STK10: variants seen among roughly 807,000 people sequenced by gnomAD.
The protein encoded by STK10 is serine/threonine kinase 10.
Under a neutral mutation model 113.8 loss-of-function variants are expected in STK10, and 78 were observed. That is an observed-to-expected ratio of 0.69 (90% CI 0.57 to 0.83). The LOEUF (loss-of-function observed/expected upper bound fraction) is 0.83, where lower values mean the gene tolerates loss of function less well. STK10 is among the 40% of genes least tolerant of loss of function. The pLI, the probability that STK10 is intolerant of heterozygous loss-of-function variation, is 0.00. For missense variants in STK10, 1,109 were observed against 1,280.1 expected, an observed-to-expected ratio of 0.87 and a Z score of 2.04; for synonymous variants, 465 against 494.7, an observed-to-expected ratio of 0.94 and a Z score of 0.80.
rs565927103 is a variant in STK10, at chr5:172,116,308, C to G, written c.520+1173G>C. Reference sequence around the variant, plus strand: ...TGTTGGCCAGGCTGGTCCTGAACTCCTGACCTCAGGTGATCCACCCACCTC... The same window carrying G: ...TGTTGGCCAGGCTGGTCCTGAACTCGTGACCTCAGGTGATCCACCCACCTC... On this transcript the variant is annotated intron_variant, in intron 4 of 18. Coordinates refer to ENST00000176763, the MANE Select transcript of STK10 (RefSeq NM_005990.4). 7.2e-5 allele frequency among the ~76,000 whole-genome samples: 11 copies of G among 152,142 alleles called. No homozygotes were observed. The South Asian group carries it at 1.2e-3, about 17-fold the overall frequency.
chr5:172,146,229 G>A (rs1225899633), intron 2 of STK10, among the ~76,000 whole-genome samples: 1 of 152,224 alleles, frequency 6.6e-6, no homozygotes, highest in Non-Finnish European at 1.5e-5. Flanking sequence ...CCCCGGGGAA[G>A]CATGTGTTGG....
At chr5:172,112,287 G>T (rs1769252708) in intron 4 of STK10, among the ~76,000 whole-genome samples, 1 of 152,110 alleles carries the variant, frequency 6.6e-6, no homozygotes, top group Non-Finnish European at 1.5e-5. Flanking sequence ...TATGCATCTT[G>T]TGTGTACATG....
chr5:172,185,691 G>C (rs1324414022), intron 1 of STK10, among the ~76,000 whole-genome samples: 1 of 152,246 alleles, frequency 6.6e-6, no homozygotes, highest in Non-Finnish European at 1.5e-5. Context: ...ACAGCTGCAG[G>C]AGCAGGCTCT....
intron 2 of STK10, among the ~76,000 whole-genome samples, chr5:172,145,404 G>C (rs1050143438): frequency 1.3e-5 from 2 of 151,534 alleles, no homozygotes; most frequent in Non-Finnish European, 2.9e-5. Flanking sequence ...TAACCTTTCA[G>C]TTGGTCCTTG....
At chr5:172,163,277 T>C (rs1477695640) in intron 1 of STK10, among the ~76,000 whole-genome samples, 2 of 152,214 alleles carry the variant, frequency 1.3e-5, no homozygotes, top group Non-Finnish European at 2.9e-5. Context: ...GGTGGGGTGA[T>C]GTGCCTCAGG....
chr5:172,046,930 C>G (rs1196423200), intron 18 of STK10, among the ~76,000 whole-genome samples: 2 of 152,200 alleles, frequency 1.3e-5, no homozygotes, highest in Non-Finnish European at 2.9e-5. Context: ...AGCCAGGGTT[C>G]AGGAGGGAAG....
intron 2 of STK10, among the ~76,000 whole-genome samples, chr5:172,146,784 T>A (rs1195396420): frequency 6.6e-6 from 1 of 152,260 alleles, no homozygotes; most frequent in African/African-American, 2.4e-5. Flanking sequence ...AAACCTTGTT[T>A]TTCCTCTGTT....
chr5:172,052,396 GACA>G (rs1474140591), intron 18 of STK10, among the ~76,000 whole-genome samples: 1 of 152,208 alleles, frequency 6.6e-6, no homozygotes, highest in Non-Finnish European at 1.5e-5. Flanking sequence ...CAGCCACGCT[GACA>G]ACGTTGATTG....
intron 2 of STK10, among the ~76,000 whole-genome samples, chr5:172,155,861 G>A (rs1477438335): frequency 6.6e-6 from 1 of 152,100 alleles, no homozygotes; most frequent in African/African-American, 2.4e-5. Context: ...TGGGCATGGT[G>A]GCACATGCCT....
At chr5:172,089,732 G>A (rs766118528) in intron 10 of STK10, among the ~76,000 whole-genome samples, 17 of 152,076 alleles carry the variant, frequency 1.1e-4, no homozygotes, top group Non-Finnish European at 1.6e-4. Context: ...TGAGTGGGTA[G>A]ATGAATCAGT....
At position 172,056,903 on chromosome 5, in the gene STK10, AAAGAAAGAAAGAAAG is replaced by A. The variant is rs1767788711; in HGVS notation, c.2337+431_2337+445del. ...AAGAAAGAAAGAAAAGAAAGAAGAG[AAAGAAAGAAAGAAAG>A]AAGGAAGGAAGGAAAGAAAAGAAAG... is the stretch of plus-strand genomic sequence containing the variant. On this transcript the variant is annotated intron_variant, in intron 15 of 18. Coordinates refer to ENST00000176763, the MANE Select transcript of STK10 (RefSeq NM_005990.4). The A allele has an allele frequency of 2.6e-5, 4 of 151,814 alleles. No individual in the cohort carries two copies. The Admixed American group carries it at 2.7e-4, about 10-fold the overall frequency. 9.4% of individuals were successfully genotyped at this position (151,814 alleles called of 1,614,324 possible).
chr5:172,175,415 T>G (rs1770740989), intron 1 of STK10, among the ~76,000 whole-genome samples: 1 of 151,870 alleles, frequency 6.6e-6, no homozygotes. Context: ...AAGGAAGCCT[T>G]TCAGCACTCA....
intron 12 of STK10, among the ~76,000 whole-genome samples, chr5:172,076,261 GGGGGCTGTCCTGTGCGTTAGTTGTA>G (rs1768304437): frequency 9.6e-6 from 1 of 104,650 alleles, no homozygotes. Flanking sequence ...CGTTAGTTGT[GGGGGCTGTCCTGTGCGTTAGTTGTA>G]GGGGCTGTCC....
At chr5:172,138,419 G>A (rs1769913408) in intron 2 of STK10, among the ~76,000 whole-genome samples, 1 of 152,108 alleles carries the variant, frequency 6.6e-6, no homozygotes, top group Non-Finnish European at 1.5e-5. Flanking sequence ...ACTGCGCCCA[G>A]CCAATAAAAT....
rs748268519 is a variant in STK10 at position 172,054,690 on chromosome 5, G to A, written c.2531C>T (p.Ser844Phe). 6.2e-7 allele frequency: 1 copy of A among 1,609,296 alleles called. No individual in the cohort carries two copies. The highest frequency in any genetic ancestry group is 8.5e-7 in the Non-Finnish European group (1 of 1,179,990). ...AEQREKIKQF[S>F]QQEEKRQKSE... ...CTTCTGCCTCTTCTCCTCCTGCTGGGAGAACTGCACCAGAGAGAGGGTGGG... is the reference window on the plus strand; with the variant it reads ...CTTCTGCCTCTTCTCCTCCTGCTGGAAGAACTGCACCAGAGAGAGGGTGGG... The change falls in exon 17 of 19, where the codon TCC (serine) becomes TTC (phenylalanine). Residue 844 changes from serine (S) to phenylalanine (F), a missense_variant. Around this residue, in one of 5 missense-constraint regions of STK10, gnomAD observed 885 missense variants for 991.1 expected, o/e 0.89. Transcript: ENST00000176763.
chr5:172,116,878 CA>C (rs1561814406), intron 4 of STK10, among the ~76,000 whole-genome samples: 1 of 151,408 alleles, frequency 6.6e-6, no homozygotes, highest in Non-Finnish European at 1.5e-5. Context: ...AAAACAACAA[CA>C]AAAAAAGAAG....
At chr5:172,061,319 T>A (rs747899305) in intron 13 of STK10, 51 bp from the exon 14 acceptor site, 1 of 1,549,018 alleles carries the variant, frequency 6.5e-7, no homozygotes, top group South Asian at 1.2e-5. Flanking sequence ...CTTGGGCACC[T>A]CCATGTCTCT....
At chr5:172,113,058 C>G (rs1769275328) in intron 4 of STK10, among the ~76,000 whole-genome samples, 1 of 152,142 alleles carries the variant, frequency 6.6e-6, no homozygotes, top group Non-Finnish European at 1.5e-5. Flanking sequence ...CACTTTTGTT[C>G]TTTAAAATGT....
chr5:172,146,080 C>T (rs1770080296), intron 2 of STK10, among the ~76,000 whole-genome samples: 1 of 152,232 alleles, frequency 6.6e-6, no homozygotes, highest in African/African-American at 2.4e-5. Context: ...GTCACCAACT[C>T]ACATACTATA....
Sources: allele counts gnomAD v4.1 joint callset (sites outside exome capture counted in the v4.1 genomes callset), GRCh38; gene constraint gnomAD v4.1.1; regional missense constraint gnomAD v4.1.1; transcripts MANE v1.5; gene names NCBI Gene and HGNC (gene_info 2026-07-23, HGNC 2026-07-21).